Variants in STK4 observed in about 807,000 individuals in gnomAD.
The protein encoded by STK4 is serine/threonine kinase 4, also known as serine/threonine-protein kinase 4.
A neutral mutation model predicts 64.9 loss-of-function variants in STK4; 30 were observed. The observed-to-expected ratio is 0.46, with a 90% CI of 0.35 to 0.63. STK4 has a LOEUF of 0.63. STK4 is among the 20% of genes least tolerant of loss of function. The pLI is 0.01. For missense variants in STK4, 466 were observed against 598.5 expected, an observed-to-expected ratio of 0.78 and a Z score of 2.31; for synonymous variants, 177 against 199.0, an observed-to-expected ratio of 0.89 and a Z score of 0.93.
In STK4 at chr20:45,036,650, C is replaced by G. The variant is rs111701281; in HGVS notation, c.1305+11520C>G. ...AGGTTGCTAAGATCTGTGGTAAGAA[C>G]GAATCATCCATCCATGAAAATTGTG... On this transcript the variant is annotated intron_variant, in intron 10 of 10. Coordinates refer to ENST00000372806, the MANE Select transcript of STK4 (RefSeq NM_006282.5). 8.7e-3 allele frequency among the ~76,000 whole-genome samples: 1,323 copies of G among 152,214 alleles called. 18 individuals are homozygous for G. The highest frequency in any genetic ancestry group is 0.031 in the African/African-American group (1,270 of 41,522).
chr20:45,063,675 T>C (rs1196139013), intron 10 of STK4, among the ~76,000 whole-genome samples: 1 of 152,224 alleles, frequency 6.6e-6, no homozygotes, highest in African/African-American at 2.4e-5. Flanking sequence ...CCAGGTCCTA[T>C]GTCCAGAGTG....
intron 9 of STK4, among the ~76,000 whole-genome samples, chr20:45,008,904 G>C (rs532036651): frequency 6.6e-6 from 1 of 151,754 alleles, no homozygotes; most frequent in Non-Finnish European, 1.5e-5. Context: ...GTTGATTTGT[G>C]TAAATTTTTT....
chr20:44,983,153 G>A (rs911797518), intron 4 of STK4, among the ~76,000 whole-genome samples: 1 of 152,216 alleles, frequency 6.6e-6, no homozygotes, highest in African/African-American at 2.4e-5. Flanking sequence ...AGGCAAAGGA[G>A]AAGCTGTAGG....
intron 10 of STK4, among the ~76,000 whole-genome samples, chr20:45,059,598 C>T (rs184115792): frequency 1.1e-4 from 16 of 152,214 alleles, no homozygotes; most frequent in Non-Finnish European, 2.4e-4. Context: ...TTTCATCATG[C>T]GTCTCAGAAT....
In STK4 at chr20:45,027,283, C is replaced by T. The variant is rs567970092; in HGVS notation, c.1305+2153C>T. 1.4e-4 allele frequency among the ~76,000 whole-genome samples: 21 copies of T among 151,922 alleles called. No homozygotes were observed. The East Asian group carries it at 3.9e-3, about 28-fold the overall frequency. On this transcript the variant is annotated intron_variant, in intron 10 of 10. Transcript: ENST00000372806. ...GTCTCTACTAACAATACAAAAAAAT[C>T]AGCCAGTGTGGTGGTGCATGCCTGT...
intron 10 of STK4, among the ~76,000 whole-genome samples, chr20:45,056,878 G>A (rs1978527574): frequency 6.6e-6 from 1 of 152,238 alleles, no homozygotes; most frequent in Non-Finnish European, 1.5e-5. Flanking sequence ...CTTCATTGGA[G>A]AAGATGTGGT....
At position 45,050,140 on chromosome 20, in the gene STK4, C is replaced by T. The variant is rs1028242370; in HGVS notation, c.1306-24878C>T. The stretch of plus-strand genomic sequence containing the variant: ...TGCAGAGAGAACAGTCAGCAGTGCT[C>T]GTGCCATGGCTACAGATTACACATC... On this transcript the variant is annotated intron_variant, in intron 10 of 10. Coordinates refer to ENST00000372806, the MANE Select transcript of STK4 (RefSeq NM_006282.5). Among the ~76,000 whole-genome samples, 13 of 152,256 alleles carry T rather than the reference C, an allele frequency of 8.5e-5. No individual in the cohort carries two copies. In the Middle Eastern group the frequency reaches 0.01, roughly 120 times the overall value.
chr20:45,026,663 G>C (rs567888049), intron 10 of STK4, among the ~76,000 whole-genome samples: 17 of 152,268 alleles, frequency 1.1e-4, no homozygotes, highest in African/African-American at 3.9e-4. Flanking sequence ...CATTGGAAGG[G>C]ATGACTTGAC....
intron 1 of STK4, among the ~76,000 whole-genome samples, chr20:44,968,432 C>A (rs556757280): frequency 6.6e-6 from 1 of 152,208 alleles, no homozygotes; most frequent in Non-Finnish European, 1.5e-5. Flanking sequence ...CCACCGGGCC[C>A]GGCCATGCTC....
intron 10 of STK4, 55 bp downstream of exon 10, chr20:45,025,185 T>C (rs113158285): frequency 2.6e-6 from 4 of 1,557,956 alleles, no homozygotes; most frequent in African/African-American, 1.4e-5. Context: ...ATTTGAAATA[T>C]CACACATTAG....
At chr20:44,979,651 C>T (rs1010844794) in intron 3 of STK4, among the ~76,000 whole-genome samples, 2 of 152,184 alleles carry the variant, frequency 1.3e-5, no homozygotes, top group African/African-American at 4.8e-5. Context: ...AACTTAGTAC[C>T]TGCTGTTTGC....
intron 10 of STK4, among the ~76,000 whole-genome samples, chr20:45,026,975 A>T (rs1219301397): frequency 6.6e-6 from 1 of 152,202 alleles, no homozygotes; most frequent in Non-Finnish European, 1.5e-5. Flanking sequence ...GTTGTCTTCA[A>T]CATGTGTATA....
intron 9 of STK4, among the ~76,000 whole-genome samples, chr20:45,002,255 A>C (rs1245748838): frequency 6.6e-6 from 1 of 152,250 alleles, no homozygotes; most frequent in African/African-American, 2.4e-5. Context: ...TATGTGTTGT[A>C]CATGCACGTG....
chr20:45,071,613 T>A (rs1433458261), intron 10 of STK4, among the ~76,000 whole-genome samples: 3 of 152,140 alleles, frequency 2.0e-5, no homozygotes, highest in Non-Finnish European at 4.4e-5. Flanking sequence ...GCCTAGAAAT[T>A]GGAAACCCAG....
chr20:45,024,256 C>A (rs533030196), intron 9 of STK4, among the ~76,000 whole-genome samples: 2 of 151,488 alleles, frequency 1.3e-5, no homozygotes, highest in Non-Finnish European at 2.9e-5. Context: ...CACCAATAGT[C>A]CTACTACCAG....
chr20:44,995,251 A>G lies in STK4; in HGVS notation c.687A>G (p.Pro229=). ...EGKPPYADIH[P]MRAIFMIPTN... ...AGCCCCCTTATGCTGATATCCATCC[A>G]ATGAGGGTAAGAAAGTGGACAGAAA... is the stretch of plus-strand genomic sequence containing the variant. Residue 229 remains proline, a synonymous_variant, in exon 6 of 11, where the codon CCA becomes CCG. Transcript: ENST00000372806. The G allele has an allele frequency of 1.2e-6, 2 of 1,611,878 alleles. No individual in the cohort carries two copies. Among genetic ancestry groups the G allele is most frequent in the South Asian group, 1.1e-5 (1 of 90,750 alleles).
At chr20:45,042,300 ACAATTCAGTAATCCT>A (rs1488810683) in intron 10 of STK4, among the ~76,000 whole-genome samples, 1 of 151,866 alleles carries the variant, frequency 6.6e-6, no homozygotes, top group African/African-American at 2.4e-5. Context: ...CGAACTCTTG[ACAATTCAGTAATCCT>A]TATTCCTGGG....
chr20:44,995,228 C>T lies in STK4; in HGVS notation c.664C>T (p.Pro222Ser). ...TGCCATAGAAATGGCTGAAGGAAAG[C>T]CCCCTTATGCTGATATCCATCCAAT... ...ITAIEMAEGK[P>S]PYADIHPMRA... Residue 222 changes from proline to serine, a missense_variant, in exon 6 of 11, where the codon CCC (proline) becomes TCC (serine). Physicochemically the swap from Pro to Ser is moderately conservative, Grantham distance 74. Around this residue, in one of 2 missense-constraint regions of STK4, gnomAD observed 190 missense variants for 289.7 expected, o/e 0.66. Transcript: ENST00000372806. The T allele has an allele frequency of 1.2e-6, 2 of 1,613,122 alleles. No homozygotes were observed. Among genetic ancestry groups the T allele is most frequent in the East Asian group, 2.2e-5 (1 of 44,812 alleles).
intron 3 of STK4, among the ~76,000 whole-genome samples, chr20:44,979,500 G>C (rs1373475637): frequency 6.6e-6 from 1 of 152,166 alleles, no homozygotes; most frequent in African/African-American, 2.4e-5. Context: ...CACTGATAGA[G>C]CAGGCTTCCC....
Sources: allele counts gnomAD v4.1 joint callset (sites outside exome capture counted in the v4.1 genomes callset), GRCh38; gene constraint gnomAD v4.1.1; regional missense constraint gnomAD v4.1.1; transcripts MANE v1.5; gene names NCBI Gene and HGNC (gene_info 2026-07-23, HGNC 2026-07-21).